VPS13B: variants seen among roughly 807,000 people sequenced by gnomAD.
VPS13B encodes the protein intermembrane lipid transfer protein VPS13B.
VPS13B carries 285 observed loss-of-function variants against 426.4 expected under a neutral mutation model. The ratio of observed to expected loss-of-function variants is 0.67; its 90% CI spans 0.61 to 0.74. VPS13B has a LOEUF of 0.74. Among genes scored for constraint, VPS13B ranks in the 30% least tolerant of loss-of-function variants. The probability of loss-of-function intolerance (pLI) is 0.00; values close to 1 mark genes in which losing one functional copy is unlikely to be tolerated. For missense variants in VPS13B, 4,537 were observed against 4,782.6 expected (o/e 0.95, Z 1.51); for synonymous variants, 1,676 against 1,676.4 (o/e 1.00, Z 0.01).
intron 25 of VPS13B, among the ~76,000 whole-genome samples, chr8:99,493,278 A>G (rs1820713847): frequency 6.6e-6 from 1 of 152,082 alleles, no homozygotes; most frequent in African/African-American, 2.4e-5. Context: ...TTGGTATTAG[A>G]TTAGAAGTTT....
At chr8:99,630,015 G>A (rs952766926) in intron 33 of VPS13B, among the ~76,000 whole-genome samples, 4 of 152,064 alleles carry the variant, frequency 2.6e-5, no homozygotes, top group African/African-American at 7.2e-5. Flanking sequence ...AAACATTAAC[G>A]TGCATAAGAA....
At chr8:99,184,812 G>A (rs1027261238) in intron 16 of VPS13B, among the ~76,000 whole-genome samples, 8 of 152,064 alleles carry the variant, frequency 5.3e-5, no homozygotes, top group Admixed American at 1.3e-4. Flanking sequence ...CCAACATGGC[G>A]AAACCCCGTC....
At chr8:99,438,293 G>A (rs1179369113) in intron 22 of VPS13B, among the ~76,000 whole-genome samples, 1 of 152,062 alleles carries the variant, frequency 6.6e-6, no homozygotes, top group Non-Finnish European at 1.5e-5. Flanking sequence ...TCTAGAGCAT[G>A]ACTAGTGATG....
At chr8:99,513,223 T>C (rs1417161178) in intron 29 of VPS13B, among the ~76,000 whole-genome samples, 2 of 152,098 alleles carry the variant, frequency 1.3e-5, no homozygotes, top group Non-Finnish European at 1.5e-5. Flanking sequence ...TAACTTGAGT[T>C]CCTGTATTTC....
intron 36 of VPS13B, among the ~76,000 whole-genome samples, chr8:99,700,935 G>T (rs1832251206): frequency 6.6e-6 from 1 of 152,096 alleles, no homozygotes; most frequent in Non-Finnish European, 1.5e-5. Context: ...TGGGGATAGT[G>T]CAGGGGATAA....
intron 36 of VPS13B, among the ~76,000 whole-genome samples, chr8:99,715,059 T>TA (rs922807749): frequency 7.9e-5 from 12 of 152,164 alleles, no homozygotes; most frequent in African/African-American, 2.9e-4. Flanking sequence ...TTTCAACTTT[T>TA]ATGTAGGCCC....
chr8:99,180,640 A>G (rs1249955953), intron 16 of VPS13B, among the ~76,000 whole-genome samples: 3 of 152,148 alleles, frequency 2.0e-5, no homozygotes, highest in Non-Finnish European at 4.4e-5. Context: ...CAGCCATACA[A>G]AGATTTTGGG....
intron 51 of VPS13B, among the ~76,000 whole-genome samples, chr8:99,829,314 C>G (rs978213716): frequency 6.6e-5 from 10 of 152,100 alleles, no homozygotes; most frequent in South Asian, 2.1e-4. Flanking sequence ...TCTTTTTTCT[C>G]TAATCTTTTC....
chr8:99,533,532 T>C (rs574866482), intron 30 of VPS13B, among the ~76,000 whole-genome samples: 1 of 152,322 alleles, frequency 6.6e-6, no homozygotes, highest in Admixed American at 6.5e-5. Flanking sequence ...ATGAAATTCA[T>C]GATTGAGATT....
chr8:99,691,939 A>G (rs991567791), intron 35 of VPS13B, among the ~76,000 whole-genome samples: 1 of 151,792 alleles, frequency 6.6e-6, no homozygotes, highest in African/African-American at 2.4e-5. Context: ...ATCAAAAGAG[A>G]CAAAGAAGGC....
rs559445281 is a variant in VPS13B at position 99,342,406 on chromosome 8, C to T, written c.2825-41802C>T. Among the ~76,000 whole-genome samples, 190 of 152,304 alleles carry T rather than the reference C, an allele frequency of 1.2e-3. 2 individuals carry two copies. Among genetic ancestry groups the T allele is most frequent in the African/African-American group, 4.3e-3 (179 of 41,578 alleles). ...CAAGAATTTCCATTCCCTCTCTTCA[C>T]ATCTTTCTAGCCTCTGGTAACCATC... is the stretch of plus-strand genomic sequence containing the variant. On this transcript the variant is annotated intron_variant, in intron 19 of 61. Coordinates refer to ENST00000357162, the MANE Select transcript of VPS13B (RefSeq NM_152564.5).
At position 99,819,559 on chromosome 8, in the gene VPS13B, C is replaced by G. The variant is rs1814245219; in HGVS notation, c.8769C>G (p.Pro2923=). 2.5e-6 allele frequency: 4 copies of G among 1,613,508 alleles called. No individual in the cohort carries two copies. The highest frequency in any genetic ancestry group is 3.3e-5 in the Admixed American group (2 of 59,908). ...AAAAGTCGCTTCAACCCATATGGCC[C>G]TATAATAAGAAGGATTCTGACAGGT... ...GPEKSLQPIW[P]YNKKDSDRNE... is the part of the protein sequence containing the mutation. The change falls in exon 48 of 62, where the codon CCC becomes CCG. Residue 2923 remains proline, a synonymous_variant. Transcript: ENST00000357162.
chr8:99,298,210 C>T (rs142452001), intron 19 of VPS13B, among the ~76,000 whole-genome samples: 100 of 152,246 alleles, frequency 6.6e-4, no homozygotes, highest in Non-Finnish European at 9.4e-4. Flanking sequence ...TTTTGTCGGC[C>T]GGGTGCGGTG....
chr8:99,851,422 T>C (rs988155074), intron 55 of VPS13B, among the ~76,000 whole-genome samples: 5 of 152,072 alleles, frequency 3.3e-5, no homozygotes, highest in Admixed American at 1.3e-4. Context: ...GGAAATGTTA[T>C]GGTGCAGTAG....
chr8:99,522,487 T>C (rs369020945), intron 30 of VPS13B, among the ~76,000 whole-genome samples: 1 of 152,216 alleles, frequency 6.6e-6, no homozygotes, highest in Non-Finnish European at 1.5e-5. Flanking sequence ...CTTCTGTCTG[T>C]CTTGCAACTT....
At chr8:99,016,865 A>C in intron 2 of VPS13B, among the ~76,000 whole-genome samples, 1 of 152,130 alleles carries the variant, frequency 6.6e-6, no homozygotes, top group East Asian at 1.9e-4. Context: ...GATGGGTTAC[A>C]GGCATGAGCC....
chr8:99,533,683 A>C (rs990340825), intron 30 of VPS13B, among the ~76,000 whole-genome samples: 2 of 152,198 alleles, frequency 1.3e-5, no homozygotes, highest in Non-Finnish European at 2.9e-5. Flanking sequence ...TGTATGCTTC[A>C]ACACATTGTG....
chr8:99,088,633 C>G (rs1278502109), intron 3 of VPS13B, among the ~76,000 whole-genome samples: 1 of 152,158 alleles, frequency 6.6e-6, no homozygotes, highest in African/African-American at 2.4e-5. Context: ...TAATCTATTG[C>G]TAATGTTTCT....
rs1368660740 is a variant in VPS13B at position 99,115,576 on chromosome 8, T to C, written c.763-124T>C. On this transcript the variant is annotated intron_variant, in intron 6 of 61. Coordinates refer to ENST00000357162, the MANE Select transcript of VPS13B (RefSeq NM_152564.5). The stretch of plus-strand genomic sequence containing the variant: ...AGAGTAAGTATTGTTTTGATTTAAG[T>C]ATTAAAATGTTTGGAGCATTTCTTT... 10 of 939,928 alleles carry C rather than the reference T, an allele frequency of 1.1e-5. No homozygotes were observed. The East Asian group carries it at 1.3e-4, about 12-fold the overall frequency. 58.2% of individuals were successfully genotyped at this position (939,928 alleles called of 1,614,324 possible).
Sources: allele counts gnomAD v4.1 joint callset (sites outside exome capture counted in the v4.1 genomes callset), GRCh38; gene constraint gnomAD v4.1.1; transcripts MANE v1.5; gene names NCBI Gene and HGNC (gene_info 2026-07-23, HGNC 2026-07-21).